AHCTF1: variants seen among roughly 807,000 people sequenced by gnomAD.
AHCTF1 encodes the protein protein ELYS.
Under a neutral mutation model 248.4 loss-of-function variants are expected in AHCTF1, and 24 were observed. The observed-to-expected ratio is 0.10, with a 90% CI of 0.07 to 0.14. The LOEUF is 0.14. AHCTF1 is among the 10% of genes least tolerant of loss of function. AHCTF1 has a pLI of 1.00. For synonymous variants in AHCTF1, 786 were observed against 929.8 expected (o/e 0.85, Z 2.81); for missense variants, 2,206 against 2,636.2 (o/e 0.84, Z 3.57).
At chr1:246,890,914 G>C in intron 16 of AHCTF1, 42 bp downstream of exon 16, 1 of 1,227,204 alleles carries the variant, frequency 8.1e-7, no homozygotes, top group Non-Finnish European at 1.1e-6. Context: ...TAAAGATTCA[G>C]AATGTTTTAA....
At chr1:246,871,452 T>C (rs940955630) in intron 24 of AHCTF1, among the ~76,000 whole-genome samples, 5 of 152,198 alleles carry the variant, frequency 3.3e-5, no homozygotes, top group African/African-American at 1.2e-4. Flanking sequence ...AAATGTATTC[T>C]AGTCAAAAGG....
rs770235460 is a variant in AHCTF1 at position 246,907,656 on chromosome 1, C to T, written c.659G>A (p.Gly220Glu). ...GTAACTAAGAGTTGAAACAGCTGTTCCTGTTGGACTTACTAACTGGAAACA... is the reference window on the plus strand; with the variant it reads ...GTAACTAAGAGTTGAAACAGCTGTTTCTGTTGGACTTACTAACTGGAAACA... ...HLCFQLVSPT[G>E]TAVSTLSYIS... The change falls in exon 5 of 36, where the codon GGA (glycine) becomes GAA (glutamate). Residue 220 changes from glycine (G) to glutamate (E), a missense_variant. Gly to Glu is a moderately conservative substitution (Grantham distance 98). Transcript: ENST00000648844. The T allele has an allele frequency of 2.5e-6, 4 of 1,613,844 alleles. No individual in the cohort carries two copies. The highest frequency in any genetic ancestry group is 1.1e-5 in the South Asian group (1 of 91,068).
intron 1 of AHCTF1, 92 bp from the exon 2 acceptor site, chr1:246,918,469 C>T: frequency 8.1e-7 from 1 of 1,227,206 alleles, no homozygotes; most frequent in Middle Eastern, 2.1e-4. Flanking sequence ...TAAAAGCCAC[C>T]AACAAAATAA....
At chr1:246,882,975 A>G (rs1663558763) in intron 21 of AHCTF1, among the ~76,000 whole-genome samples, 1 of 152,214 alleles carries the variant, frequency 6.6e-6, no homozygotes, top group African/African-American at 2.4e-5. Context: ...TTAAATCCAA[A>G]TCTATTTGAG....
chr1:246,893,878 A>G (rs1161122301), intron 14 of AHCTF1, among the ~76,000 whole-genome samples: 1 of 152,264 alleles, frequency 6.6e-6, no homozygotes, highest in Non-Finnish European at 1.5e-5. Flanking sequence ...GCATGTTGCC[A>G]GTTTAATGAC....
At chr1:246,867,542 T>A in intron 25 of AHCTF1, 119 bp downstream of exon 25, 1 of 1,328,394 alleles carries the variant, frequency 7.5e-7, no homozygotes, top group Non-Finnish European at 1.0e-6. Context: ...CATAAAGAGT[T>A]TTTCTTTTTT....
chr1:246,852,414 G>A (rs901063221), intron 32 of AHCTF1, among the ~76,000 whole-genome samples: 1 of 130,026 alleles, frequency 7.7e-6, no homozygotes, highest in African/African-American at 2.6e-5. Context: ...AATTAGAAGA[G>A]TTGGTTTTTT....
chr1:246,857,967 T>C (rs77746851), intron 29 of AHCTF1, among the ~76,000 whole-genome samples, 153 bp from the exon 30 acceptor site: 1 of 8,020 alleles, frequency 1.2e-4, no homozygotes, highest in Non-Finnish European at 2.5e-4. Context: ...CTTTCTTCTT[T>C]TTTTTTTTTT....
intron 24 of AHCTF1, among the ~76,000 whole-genome samples, chr1:246,869,126 A>G (rs545830589): frequency 1.3e-5 from 2 of 151,912 alleles, no homozygotes; most frequent in Non-Finnish European, 2.9e-5. Flanking sequence ...TACAGGCGTG[A>G]GCCACCACGC....
chr1:246,840,957 T>G lies in AHCTF1; in HGVS notation c.6650A>C (p.Glu2217Ala). The G allele has an allele frequency of 6.2e-7, 1 of 1,612,178 alleles. No individual in the cohort carries two copies. Among genetic ancestry groups the G allele is most frequent in the South Asian group, 1.1e-5 (1 of 90,488 alleles). The change falls in exon 36 of 36, where the codon GAA becomes GCA. Residue 2217 changes from glutamate (E) to alanine (A), a missense_variant. Transcript: ENST00000648844. ...AGCCAAGGGGGAAATCAGCCGAATTTCTATGGGAGGAGGTGACCAAGCACT... is the reference window on the plus strand; with the variant it reads ...AGCCAAGGGGGAAATCAGCCGAATTGCTATGGGAGGAGGTGACCAAGCACT... ...KESAWSPPPI[E>A]IRLISPLASP... is the part of the protein sequence containing the mutation.
chr1:246,920,614 C>CA (rs1666470760), intron 1 of AHCTF1, among the ~76,000 whole-genome samples: 1 of 151,496 alleles, frequency 6.6e-6, no homozygotes, highest in African/African-American at 2.4e-5. Context: ...ACTAAAAATA[C>CA]AAAAAATTAG....
At chr1:246,905,679 C>T in intron 5 of AHCTF1, 22 bp from the exon 6 acceptor site, 2 of 1,565,442 alleles carry the variant, frequency 1.3e-6, no homozygotes, top group Non-Finnish European at 1.8e-6. Context: ...TAGTATATTT[C>T]ATATTTTTAA....
intron 33 of AHCTF1, among the ~76,000 whole-genome samples, chr1:246,845,807 T>C (rs1299144629): frequency 6.6e-6 from 1 of 152,140 alleles, no homozygotes; most frequent in Non-Finnish European, 1.5e-5. Flanking sequence ...ACTCTGGAAA[T>C]TCAAAGAGAG....
At chr1:246,903,682 CA>C (rs547432218) in intron 7 of AHCTF1, among the ~76,000 whole-genome samples, 80 of 137,758 alleles carry the variant, frequency 5.8e-4, no homozygotes, top group South Asian at 5.5e-3. Flanking sequence ...GCTAAATATA[CA>C]AAAAAATTAG....
At chr1:246,843,170 ACTC>A (rs1168255490) in intron 34 of AHCTF1, among the ~76,000 whole-genome samples, 2 of 151,792 alleles carry the variant, frequency 1.3e-5, no homozygotes, top group Non-Finnish European at 2.9e-5. Flanking sequence ...CACAATGAAC[ACTC>A]CTCATCTGCC....
At chr1:246,878,240 T>A (rs1334610754) in intron 21 of AHCTF1, among the ~76,000 whole-genome samples, 1 of 151,326 alleles carries the variant, frequency 6.6e-6, no homozygotes, top group African/African-American at 2.4e-5. Context: ...TACAAAAAAA[T>A]ACAAAAATTA....
chr1:246,912,382 C>T (rs1409948341), intron 4 of AHCTF1, among the ~76,000 whole-genome samples: 1 of 151,328 alleles, frequency 6.6e-6, no homozygotes, highest in Admixed American at 6.6e-5. Context: ...ACTCAGGAGG[C>T]TGAGGCAGGA....
At chr1:246,861,906 C>G in intron 28 of AHCTF1, 53 bp downstream of exon 28, 1 of 1,453,516 alleles carries the variant, frequency 6.9e-7, no homozygotes, top group Non-Finnish European at 9.4e-7. Flanking sequence ...CTTGTCAGAG[C>G]TAATACATTC....
At chr1:246,856,083 G>T (rs911743729) in intron 30 of AHCTF1, among the ~76,000 whole-genome samples, 2 of 152,152 alleles carry the variant, frequency 1.3e-5, no homozygotes, top group Non-Finnish European at 1.5e-5. Flanking sequence ...GAAATGAAAT[G>T]ATTTTAAAAT....
Sources: allele counts gnomAD v4.1 joint callset (sites outside exome capture counted in the v4.1 genomes callset), GRCh38; gene constraint gnomAD v4.1.1; transcripts MANE v1.5; gene names NCBI Gene and HGNC (gene_info 2026-07-23, HGNC 2026-07-21).